The following CRPPA variants were observed in gnomAD, a reference collection of about 807,000 sequenced individuals.
CRPPA encodes D-ribitol-5-phosphate cytidylyltransferase.
Under a neutral mutation model 52.0 loss-of-function variants are expected in CRPPA, and 43 were observed. The ratio of observed to expected loss-of-function variants is 0.83; its 90% CI spans 0.65 to 1.07. The LOEUF is 1.07. CRPPA is among the 50% of genes least tolerant of loss of function. CRPPA has a pLI of 0.00. For missense variants in CRPPA, 629 were observed against 551.7 expected, an observed-to-expected ratio of 1.14 and a Z score of -1.40; for synonymous variants, 250 against 203.5, an observed-to-expected ratio of 1.23 and a Z score of -1.94.
intron 8 of CRPPA, among the ~76,000 whole-genome samples, chr7:16,219,725 C>G (rs892638910): frequency 8.3e-6 from 1 of 119,940 alleles, no homozygotes; most frequent in African/African-American, 2.8e-5. Flanking sequence ...CACATACACT[C>G]TCCCAAGACT....
chr7:16,297,824 G>C (rs993749589), intron 5 of CRPPA, among the ~76,000 whole-genome samples: 1 of 152,154 alleles, frequency 6.6e-6, no homozygotes. Context: ...TCTACCACTG[G>C]CTTTCCTGGG....
rs71549979 is a variant in CRPPA at position 16,241,946 on chromosome 7, C to CTTTTTTTTTT, written c.1119+16434_1119+16443dup. Among the ~76,000 whole-genome samples the CTTTTTTTTTT allele has an allele frequency of 2.0e-4, 11 of 55,398 alleles. 1 individual carries two copies. The highest frequency in any genetic ancestry group is 2.5e-4 in the Admixed American group (1 of 3,942). The allele number at this position is 55,398 out of a possible 152,430, so 36.3% of individuals were successfully genotyped here. On this transcript the variant is annotated intron_variant, in intron 8 of 9. Coordinates refer to ENST00000407010, the MANE Select transcript of CRPPA (RefSeq NM_001101426.4). ...TGTTTAATGTAGTTAAAAATCTATT[C>CTTTTTTTTTT]TTTTTTTTTTTTTTTTTTTTTTGTT...
intron 8 of CRPPA, chr7:16,216,552 G>A (rs1026981656): frequency 3.7e-5 from 8 of 217,384 alleles, no homozygotes; most frequent in South Asian, 6.3e-5. Flanking sequence ...ACTAGGGAGC[G>A]CCAGACAGTG....
At chr7:16,293,512 T>TACTCA (rs1209486553) in intron 5 of CRPPA, among the ~76,000 whole-genome samples, 1 of 151,952 alleles carries the variant, frequency 6.6e-6, no homozygotes, top group East Asian at 1.9e-4. Context: ...CTGTAAAGGA[T>TACTCA]ACTCAAGGTT....
At chr7:16,127,846 A>C (rs1481083129) in intron 9 of CRPPA, among the ~76,000 whole-genome samples, 1 of 152,198 alleles carries the variant, frequency 6.6e-6, no homozygotes, top group Non-Finnish European at 1.5e-5. Flanking sequence ...CAGCATTTTA[A>C]TAGCTAATGT....
At chr7:16,349,099 C>G (rs1487002892) in intron 3 of CRPPA, among the ~76,000 whole-genome samples, 1 of 152,188 alleles carries the variant, frequency 6.6e-6, no homozygotes, top group Admixed American at 6.5e-5. Flanking sequence ...AATATGCATG[C>G]TTAGCTTCAT....
At chr7:16,366,004 T>G (rs975459314) in intron 3 of CRPPA, among the ~76,000 whole-genome samples, 1 of 152,202 alleles carries the variant, frequency 6.6e-6, no homozygotes, top group Non-Finnish European at 1.5e-5. Flanking sequence ...TATCTCAGAC[T>G]GCATAGTTTA....
At chr7:16,272,571 A>G (rs913145669) in intron 6 of CRPPA, among the ~76,000 whole-genome samples, 3 of 152,160 alleles carry the variant, frequency 2.0e-5, no homozygotes, top group Non-Finnish European at 4.4e-5. Flanking sequence ...GAGAGGTGAA[A>G]ATGTTAGAAT....
At chr7:16,346,901 G>C (rs1274020038) in intron 3 of CRPPA, among the ~76,000 whole-genome samples, 1 of 152,060 alleles carries the variant, frequency 6.6e-6, no homozygotes, top group East Asian at 1.9e-4. Flanking sequence ...ATAACCCTCA[G>C]TAAAGGGCCA....
At chr7:16,136,738 C>T (rs1027450610) in intron 9 of CRPPA, among the ~76,000 whole-genome samples, 2 of 152,088 alleles carry the variant, frequency 1.3e-5, no homozygotes, top group African/African-American at 2.4e-5. Flanking sequence ...AGAAGGTGCC[C>T]ACTGTTTATT....
intron 8 of CRPPA, among the ~76,000 whole-genome samples, chr7:16,248,549 A>G (rs975431931): frequency 2.6e-5 from 4 of 152,144 alleles, no homozygotes; most frequent in African/African-American, 9.7e-5. Flanking sequence ...AAAGGGGAGT[A>G]CTCCAATGGA....
chr7:16,359,121 T>G (rs766160611), intron 3 of CRPPA, among the ~76,000 whole-genome samples: 1 of 152,084 alleles, frequency 6.6e-6, no homozygotes, highest in Non-Finnish European at 1.5e-5. Flanking sequence ...GATGTTGTGT[T>G]TTTGGTTTGT....
chr7:16,188,341 T>G (rs1340298423), intron 9 of CRPPA, among the ~76,000 whole-genome samples: 3 of 152,070 alleles, frequency 2.0e-5, no homozygotes, highest in African/African-American at 7.2e-5. Context: ...AGAGATGAGG[T>G]GAGGGAGTAC....
chr7:16,098,722 C>G (rs182806010), intron 9 of CRPPA, among the ~76,000 whole-genome samples: 2 of 152,258 alleles, frequency 1.3e-5, no homozygotes, highest in African/African-American at 4.8e-5. Flanking sequence ...GCTAAATTTT[C>G]TTTTTGTAAA....
intron 3 of CRPPA, among the ~76,000 whole-genome samples, chr7:16,337,909 CG>C: frequency 6.6e-6 from 1 of 152,188 alleles, no homozygotes; most frequent in African/African-American, 2.4e-5. Flanking sequence ...TGAATTCCAC[CG>C]TACATTTAGA....
intron 9 of CRPPA, among the ~76,000 whole-genome samples, chr7:16,104,553 A>G (rs1782110160): frequency 6.6e-6 from 1 of 152,238 alleles, no homozygotes; most frequent in African/African-American, 2.4e-5. Context: ...ACAAAGTAGG[A>G]ATAATCTTGT....
At position 16,089,962 on chromosome 7, in the gene CRPPA, T is replaced by G. The variant is rs1367880322; in HGVS notation, c.*1733A>C. 6.4e-6 allele frequency: 1 copy of G among 155,548 alleles called. No individual in the cohort carries two copies. Among genetic ancestry groups the G allele is most frequent in the East Asian group, 1.9e-4 (1 of 5,248 alleles). The allele number at this position is 155,548 out of a possible 1,614,324, so 9.6% of individuals were successfully genotyped here. ...TTTCCCCTTCTTCCTTTATGAGCAC[T>G]TTCAAAGTCTTAAACATTTTCACCT... On this transcript the variant is annotated 3_prime_UTR_variant, in exon 10 of 10. Transcript: ENST00000407010.
intron 1 of CRPPA, among the ~76,000 whole-genome samples, chr7:16,420,413 CA>C (rs1336895762): frequency 1.3e-5 from 2 of 152,274 alleles, no homozygotes; most frequent in African/African-American, 4.8e-5. Flanking sequence ...CTCAGCTCCT[CA>C]CGACTGTTCC....
intron 5 of CRPPA, among the ~76,000 whole-genome samples, chr7:16,280,718 T>C (rs1007340728): frequency 1.3e-5 from 2 of 152,110 alleles, no homozygotes; most frequent in African/African-American, 4.8e-5. Flanking sequence ...TTTTAAAAAA[T>C]GAATTCAAAA....
Sources: allele counts gnomAD v4.1 joint callset (sites outside exome capture counted in the v4.1 genomes callset), GRCh38; gene constraint gnomAD v4.1.1; transcripts MANE v1.5; gene names NCBI Gene and HGNC (gene_info 2026-07-23, HGNC 2026-07-21).